JAKMIP2: variants seen among roughly 807,000 people sequenced by gnomAD.
JAKMIP2 encodes the protein janus kinase and microtubule-interacting protein 2.
JAKMIP2 carries 25 observed loss-of-function variants against 115.0 expected under a neutral mutation model. The ratio of observed to expected loss-of-function variants is 0.22; its 90% CI spans 0.16 to 0.30. The LOEUF is 0.30. Among genes scored for constraint, JAKMIP2 ranks in the 10% least tolerant of loss-of-function variants. The probability of loss-of-function intolerance (pLI) is 1.00; values close to 1 mark genes in which losing one functional copy is unlikely to be tolerated. For missense variants in JAKMIP2, 642 were observed against 957.6 expected (o/e 0.67, Z 4.35); for synonymous variants, 334 against 343.6 (o/e 0.97, Z 0.31).
chr5:147,712,174 G>C (rs1021533923), intron 1 of JAKMIP2, among the ~76,000 whole-genome samples: 1 of 152,006 alleles, frequency 6.6e-6, no homozygotes, highest in African/African-American at 2.4e-5. Context: ...TTCTGTTCTG[G>C]CCTGCCCTTC....
At chr5:147,597,800 T>C (rs1267583124) in intron 21 of JAKMIP2, among the ~76,000 whole-genome samples, 1 of 152,158 alleles carries the variant, frequency 6.6e-6, no homozygotes, top group African/African-American at 2.4e-5. Flanking sequence ...AGAAACTTAA[T>C]CCCTAGTGCA....
At chr5:147,730,628 G>C (rs1157929658) in intron 1 of JAKMIP2, among the ~76,000 whole-genome samples, 4 of 151,958 alleles carry the variant, frequency 2.6e-5, no homozygotes, top group Non-Finnish European at 5.9e-5. Context: ...GCTAATTTTT[G>C]TGTTTTTAGT....
chr5:147,658,537 C>G (rs998189175), intron 3 of JAKMIP2, among the ~76,000 whole-genome samples: 1 of 152,302 alleles, frequency 6.6e-6, no homozygotes, highest in East Asian at 1.9e-4. Flanking sequence ...AGAGCTGGTG[C>G]GCTGTGCTGG....
At chr5:147,694,616 C>T (rs1752022184) in intron 1 of JAKMIP2, among the ~76,000 whole-genome samples, 1 of 152,188 alleles carries the variant, frequency 6.6e-6, no homozygotes, top group Non-Finnish European at 1.5e-5. Flanking sequence ...GCAGCTTTTA[C>T]AATTTGATGT....
intron 1 of JAKMIP2, among the ~76,000 whole-genome samples, chr5:147,711,698 G>C (rs183314385): frequency 6.6e-6 from 1 of 152,224 alleles, no homozygotes; most frequent in Non-Finnish European, 1.5e-5. Flanking sequence ...ACAGAATCTC[G>C]CTCTTGTTGC....
At chr5:147,649,278 G>C (rs1758277922) in intron 4 of JAKMIP2, among the ~76,000 whole-genome samples, 1 of 152,110 alleles carries the variant, frequency 6.6e-6, no homozygotes, top group Non-Finnish European at 1.5e-5. Flanking sequence ...AATTCAGATA[G>C]GTAATAACTC....
intron 1 of JAKMIP2, among the ~76,000 whole-genome samples, chr5:147,780,493 G>C (rs1755716463): frequency 6.6e-6 from 1 of 152,148 alleles, no homozygotes; most frequent in African/African-American, 2.4e-5. Flanking sequence ...ATTTTTGGAA[G>C]TCAAGTGTTA....
chr5:147,692,890 G>C (rs1011232464), intron 1 of JAKMIP2, among the ~76,000 whole-genome samples: 1 of 152,120 alleles, frequency 6.6e-6, no homozygotes, highest in Non-Finnish European at 1.5e-5. Context: ...CACTAACACT[G>C]ATGATAATTA....
At chr5:147,733,351 C>A (rs924236227) in intron 1 of JAKMIP2, among the ~76,000 whole-genome samples, 3 of 152,236 alleles carry the variant, frequency 2.0e-5, no homozygotes, top group African/African-American at 7.2e-5. Context: ...TGAGCTGCCT[C>A]ATTCTTGCCT....
chr5:147,690,341 G>C (rs1751768600), intron 1 of JAKMIP2, among the ~76,000 whole-genome samples: 1 of 151,508 alleles, frequency 6.6e-6, no homozygotes, highest in Admixed American at 6.6e-5. Context: ...CCTAAAAAAA[G>C]CTTAAAAAAC....
chr5:147,759,490 A>C (rs1286486760), intron 1 of JAKMIP2, among the ~76,000 whole-genome samples: 2 of 152,104 alleles, frequency 1.3e-5, no homozygotes, highest in African/African-American at 4.8e-5. Context: ...GAAAATGAAC[A>C]AAGAGAGTGC....
intron 1 of JAKMIP2, among the ~76,000 whole-genome samples, chr5:147,697,304 T>C (rs1210779734): frequency 1.3e-5 from 2 of 152,154 alleles, no homozygotes; most frequent in Non-Finnish European, 2.9e-5. Context: ...ATGAGACTTA[T>C]TCACTATCAT....
chr5:147,776,872 G>A (rs1403749812), intron 1 of JAKMIP2, among the ~76,000 whole-genome samples: 2 of 152,140 alleles, frequency 1.3e-5, no homozygotes, highest in Non-Finnish European at 2.9e-5. Flanking sequence ...AGGTTGCAGT[G>A]AGCCAAGACC....
chr5:147,714,167 C>T (rs7720860), intron 1 of JAKMIP2, among the ~76,000 whole-genome samples: 45,673 of 151,938 alleles, frequency 0.3, 7,918 homozygotes, highest in East Asian at 0.53. Context: ...CACACAAAGA[C>T]TTCAAATACT....
intron 2 of JAKMIP2, among the ~76,000 whole-genome samples, chr5:147,670,634 G>A (rs1759530756): frequency 6.6e-6 from 1 of 150,674 alleles, no homozygotes; most frequent in Non-Finnish European, 1.5e-5. Flanking sequence ...ATATTATAAT[G>A]TTTTGCAAGT....
rs1209850696 is a variant in JAKMIP2, at chr5:147,594,358, A to C, written c.*21-2672T>G. ...AATTCTTTTTTTTTCTTTTTGATAC[A>C]GGGTCTTGCTTTGTTGCTCAGGATG... is the stretch of plus-strand genomic sequence containing the variant. On this transcript the variant is annotated intron_variant, in intron 21 of 21. Coordinates refer to ENST00000616793, the MANE Select transcript of JAKMIP2 (RefSeq NM_001270941.2). The C allele has an allele frequency of 2.0e-5, 8 of 394,642 alleles. No individual in the cohort carries two copies. The East Asian group carries it at 5.3e-4, about 26-fold the overall frequency. The allele number at this position is 394,642 out of a possible 1,614,324, so 24.4% of individuals were successfully genotyped here.
intron 1 of JAKMIP2, among the ~76,000 whole-genome samples, chr5:147,747,126 T>C (rs1296820093): frequency 2.6e-5 from 4 of 152,138 alleles, no homozygotes; most frequent in African/African-American, 2.4e-5. Flanking sequence ...CAATGAGTCA[T>C]GAGGAGCTTT....
At chr5:147,637,069 G>T in intron 10 of JAKMIP2, 21 bp from the exon 11 acceptor site, 1 of 870,546 alleles carries the variant, frequency 1.1e-6, no homozygotes, top group South Asian at 1.3e-5. Flanking sequence ...CAAAATTCCA[G>T]AACTCAGCAA....
rs189923515 is a variant in JAKMIP2 at position 147,722,860 on chromosome 5, A to G, written c.-148-50906T>C. Among the ~76,000 whole-genome samples, 27 of 147,662 alleles carry G rather than the reference A, an allele frequency of 1.8e-4. No individual in the cohort carries two copies. In the East Asian group the frequency reaches 5.8e-3, roughly 32 times the overall value. ...AGAAAAGAAAGTTCATTTCCATTCC[A>G]TCCTCTTTTTTTTTATCCCTCTGCA... On this transcript the variant is annotated intron_variant, in intron 1 of 21. Coordinates refer to ENST00000616793, the MANE Select transcript of JAKMIP2 (RefSeq NM_001270941.2).
Sources: gnomAD v4.1 joint callset for allele counts (sites outside exome capture counted in the v4.1 genomes callset) on GRCh38, gnomAD v4.1.1 for gene constraint, MANE v1.5 for transcripts, NCBI Gene and HGNC (gene_info 2026-07-23, HGNC 2026-07-21) for gene names.